The following SCHIP1 variants were observed in gnomAD, a reference collection of about 807,000 sequenced individuals.
SCHIP1 encodes the protein schwannomin-interacting protein 1.
SCHIP1 carries 8 observed loss-of-function variants against 29.7 expected under a neutral mutation model. The observed-to-expected ratio is 0.27, with a 90% CI of 0.16 to 0.49. The LOEUF is 0.49. Among genes scored for constraint, SCHIP1 ranks in the 20% least tolerant of loss-of-function variants. The pLI, the probability that SCHIP1 is intolerant of heterozygous loss-of-function variation, is 0.99. For synonymous variants in SCHIP1, 76 were observed against 94.9 expected (o/e 0.80, Z 1.16); for missense variants, 193 against 294.6 (o/e 0.66, Z 2.52).
the SCHIP1 span, among the ~76,000 whole-genome samples, chr3:159,516,869 A>C: frequency 6.6e-6 from 1 of 151,826 alleles, no homozygotes; most frequent in East Asian, 1.9e-4. Context: ...TCCAAAATCC[A>C]CTCATCATTT....
the SCHIP1 span, among the ~76,000 whole-genome samples, chr3:159,320,939 C>T: frequency 6.6e-6 from 1 of 151,574 alleles, no homozygotes; most frequent in Non-Finnish European, 1.5e-5. Context: ...CATGGAGTGA[C>T]TACTTAATAC....
chr3:159,439,798 A>G, the SCHIP1 span, among the ~76,000 whole-genome samples: 3 of 152,082 alleles, frequency 2.0e-5, no homozygotes, highest in Non-Finnish European at 4.4e-5. Flanking sequence ...TCAGATGCAT[A>G]GTTTGCAAAA....
At chr3:159,775,850 T>C in the SCHIP1 span, among the ~76,000 whole-genome samples, 3 of 152,204 alleles carry the variant, frequency 2.0e-5, no homozygotes, top group Admixed American at 2.0e-4. Context: ...TTAAAGGGAA[T>C]GAGGTAATTT....
the SCHIP1 span, among the ~76,000 whole-genome samples, chr3:159,602,613 G>A: frequency 1.3e-5 from 2 of 151,870 alleles, no homozygotes; most frequent in African/African-American, 4.8e-5. Flanking sequence ...GGAGGCTGAG[G>A]CAGGAGAATT....
At chr3:159,530,728 A>G in the SCHIP1 span, among the ~76,000 whole-genome samples, 3 of 152,320 alleles carry the variant, frequency 2.0e-5, no homozygotes, top group East Asian at 5.8e-4. Flanking sequence ...AAACACATCC[A>G]GCCTGCACAG....
At chr3:159,572,075 C>A in the SCHIP1 span, among the ~76,000 whole-genome samples, 1 of 152,064 alleles carries the variant, frequency 6.6e-6, no homozygotes, top group Non-Finnish European at 1.5e-5. Context: ...TTCAAAAAAC[C>A]AGCTCCTGGA....
the SCHIP1 span, among the ~76,000 whole-genome samples, chr3:159,646,205 A>G: frequency 6.6e-6 from 1 of 152,176 alleles, no homozygotes; most frequent in African/African-American, 2.4e-5. Context: ...CTATGGAGCC[A>G]TGGATGTGAG....
the SCHIP1 span, among the ~76,000 whole-genome samples, chr3:159,403,831 C>T: frequency 6.6e-6 from 1 of 152,328 alleles, no homozygotes; most frequent in African/African-American, 2.4e-5. Flanking sequence ...ACCCCTCTCT[C>T]AACCCTAGGC....
chr3:159,842,997 C>CTTTTTTTT (rs1440922016), intron 1 of SCHIP1, among the ~76,000 whole-genome samples: 1,027 of 61,606 alleles, frequency 0.017, 149 homozygotes, highest in Admixed American at 0.025. Context: ...CCCAATATTT[C>CTTTTTTTT]TTTCTTTTTT....
At chr3:159,475,582 A>C in the SCHIP1 span, among the ~76,000 whole-genome samples, 1 of 152,284 alleles carries the variant, frequency 6.6e-6, no homozygotes, top group African/African-American at 2.4e-5. Flanking sequence ...ATTGTATTTA[A>C]ATTATATTCC....
chr3:159,441,502 G>C, the SCHIP1 span, among the ~76,000 whole-genome samples: 1 of 152,040 alleles, frequency 6.6e-6, no homozygotes, highest in African/African-American at 2.4e-5. Flanking sequence ...GTGGGGAAGG[G>C]GGAGGAGGAG....
chr3:159,579,010 T>C, the SCHIP1 span, among the ~76,000 whole-genome samples: 1 of 152,204 alleles, frequency 6.6e-6, no homozygotes, highest in Non-Finnish European at 1.5e-5. Flanking sequence ...TGGACAATAC[T>C]GATCTACATA....
At chr3:159,331,054 CAGACCTTG>C in the SCHIP1 span, among the ~76,000 whole-genome samples, 1 of 152,152 alleles carries the variant, frequency 6.6e-6, no homozygotes, top group Non-Finnish European at 1.5e-5. Context: ...TCCCCACAAG[CAGACCTTG>C]AGACAAGGGT....
the SCHIP1 span, among the ~76,000 whole-genome samples, chr3:159,747,644 A>G: frequency 4.2e-4 from 64 of 151,928 alleles, no homozygotes; most frequent in Non-Finnish European, 2.2e-4. Flanking sequence ...TATGCTTTTC[A>G]TGGGTATGAC....
At chr3:159,475,271 T>G in the SCHIP1 span, among the ~76,000 whole-genome samples, 1 of 152,288 alleles carries the variant, frequency 6.6e-6, no homozygotes, top group African/African-American at 2.4e-5. Context: ...CTGATACATG[T>G]TACAATATGG....
At chr3:159,667,733 G>C in the SCHIP1 span, among the ~76,000 whole-genome samples, 1 of 152,196 alleles carries the variant, frequency 6.6e-6, no homozygotes, top group African/African-American at 2.4e-5. Context: ...GGAAGTAGAG[G>C]ACAGAGAGCT....
the SCHIP1 span, among the ~76,000 whole-genome samples, chr3:159,299,367 C>T: frequency 6.6e-6 from 1 of 152,142 alleles, no homozygotes; most frequent in African/African-American, 2.4e-5. Flanking sequence ...GAAGTCTATA[C>T]AGGTGCTGGT....
chr3:159,650,927 C>T, the SCHIP1 span, among the ~76,000 whole-genome samples: 24 of 152,162 alleles, frequency 1.6e-4, no homozygotes, highest in African/African-American at 5.8e-4. Context: ...GTAATCAGAA[C>T]TACCATTTGA....
chr3:159,320,544 T>G, the SCHIP1 span, among the ~76,000 whole-genome samples: 1 of 152,196 alleles, frequency 6.6e-6, no homozygotes, highest in Non-Finnish European at 1.5e-5. Flanking sequence ...CAAATTCAGG[T>G]TCAGATCTTC....
Sources: allele counts gnomAD v4.1 joint callset (sites outside exome capture counted in the v4.1 genomes callset), GRCh38; gene constraint gnomAD v4.1.1; transcripts MANE v1.5; gene names NCBI Gene and HGNC (gene_info 2026-07-23, HGNC 2026-07-21).